Variants in TARDBP observed in about 807,000 individuals in gnomAD.
The protein encoded by TARDBP is TAR DNA-binding protein 43.
Under a neutral mutation model 38.3 loss-of-function variants are expected in TARDBP, and 4 were observed. That is an observed-to-expected ratio of 0.10 (90% CI 0.05 to 0.24). The LOEUF (loss-of-function observed/expected upper bound fraction) is 0.24, where lower values mean the gene tolerates loss of function less well. Among genes scored for constraint, TARDBP ranks in the 10% least tolerant of loss-of-function variants. TARDBP has a pLI of 1.00. For synonymous variants in TARDBP, 184 were observed against 183.8 expected (o/e 1.00, Z -0.01); for missense variants, 202 against 521.9 (o/e 0.39, Z 5.97).
At position 11,022,729 on chromosome 1, in the gene TARDBP, A is replaced by C; in HGVS notation, c.*75A>C. 2 of 1,548,248 alleles carry C rather than the reference A, an allele frequency of 1.3e-6. No homozygotes were observed. The highest frequency in any genetic ancestry group is 8.7e-7 in the Non-Finnish European group (1 of 1,148,910). ...TCTAAACTCATGGTAAGTATATTGT[A>C]AAATACATATGTACTAAGAATTTTC... On this transcript the variant is annotated 3_prime_UTR_variant, in exon 6 of 6. Coordinates refer to ENST00000240185, the MANE Select transcript of TARDBP (RefSeq NM_007375.4). This position sits in a 1 kb window ranked among gnomAD's most constrained non-coding sequence, Gnocchi z 4.5.
chr1:11,027,770 TGG>T, downstream of TARDBP: 1 of 1,025,154 alleles, frequency 9.8e-7, no homozygotes, highest in Non-Finnish European at 1.4e-6. Context: ...CATGAATTGG[TGG>T]GTGACTACCT....
chr1:11,028,510 CCAAACTAA>C (rs1408274128), downstream of TARDBP, among the ~76,000 whole-genome samples: 3 of 152,076 alleles, frequency 2.0e-5, no homozygotes. Flanking sequence ...GTTGATTCTT[CCAAACTAA>C]GTTTTATTGT....
chr1:11,020,391 A>G (rs764779938), intron 4 of TARDBP, 38 bp from the exon 5 acceptor site: 1 of 1,612,930 alleles, frequency 6.2e-7, no homozygotes, highest in East Asian at 2.2e-5. Context: ...TGTTCATAAC[A>G]TATTTCTGAG....
In TARDBP at chr1:11,015,482, TC is replaced by T. The variant is rs1490958993; in HGVS notation, c.239-1361del. On this transcript the variant is annotated intron_variant, in intron 2 of 5. Transcript: ENST00000240185. ...CCTGGCAGCAGAGCGAGACACCGTC[TC>T]AAAAAAAATTTTTTAAATGTCATTT... 3.3e-5 allele frequency: 5 copies of T among 151,486 alleles called. No individual in the cohort carries two copies. The East Asian group carries it at 7.9e-4, about 24-fold the overall frequency. 9.4% of individuals were successfully genotyped at this position (151,486 alleles called of 1,614,324 possible).
chr1:11,013,216 A>T (rs1408296765), intron 1 of TARDBP, among the ~76,000 whole-genome samples: 1 of 152,220 alleles, frequency 6.6e-6, no homozygotes, highest in African/African-American at 2.4e-5. Context: ...AACAGAGGGA[A>T]ACTTTTCTCC....
chr1:11,018,591 A>T, intron 3 of TARDBP, 142 bp from the exon 4 acceptor site: 1 of 1,079,604 alleles, frequency 9.3e-7, no homozygotes, highest in Non-Finnish European at 1.4e-6. Flanking sequence ...CCTTGTTTTT[A>T]CTGTTAAGAC....
intron 5 of TARDBP, among the ~76,000 whole-genome samples, chr1:11,020,921 AAAT>A (rs938982213): frequency 1.3e-5 from 2 of 152,108 alleles, no homozygotes; most frequent in Non-Finnish European, 2.9e-5. Flanking sequence ...TCAAAAAAAA[AAAT>A]ATGTCCCAGG....
At chr1:11,019,768 G>A (rs748803462) in intron 4 of TARDBP, among the ~76,000 whole-genome samples, 8 of 151,722 alleles carry the variant, frequency 5.3e-5, no homozygotes, top group Non-Finnish European at 1.0e-4. Context: ...GGGTTTCACC[G>A]TGTTAGCCAG....
chr1:11,028,114 T>G (rs553171327), downstream of TARDBP, among the ~76,000 whole-genome samples: 7 of 151,948 alleles, frequency 4.6e-5, no homozygotes, highest in South Asian at 1.5e-3. Flanking sequence ...CCCAGCCACT[T>G]GGGAGGCTGA....
chr1:11,020,797 C>T (rs1643622213), intron 5 of TARDBP, among the ~76,000 whole-genome samples, 198 bp downstream of exon 5: 1 of 151,886 alleles, frequency 6.6e-6, no homozygotes, highest in Non-Finnish European at 1.5e-5. Flanking sequence ...GCCTGTGGTC[C>T]CAGCTACTCT....
chr1:11,019,945 ACCT>A (rs1248640790), intron 4 of TARDBP, among the ~76,000 whole-genome samples: 5 of 143,462 alleles, frequency 3.5e-5, no homozygotes, highest in African/African-American at 1.3e-4. Flanking sequence ...GCTCACTGCA[ACCT>A]CCTCTTCCGG....
chr1:11,029,387 G>A (rs548579237), downstream of TARDBP, among the ~76,000 whole-genome samples: 34 of 150,662 alleles, frequency 2.3e-4, no homozygotes, highest in East Asian at 5.4e-3. Context: ...GCAAGAGAGC[G>A]AGATTCCGTC....
intron 2 of TARDBP, 23 bp downstream of exon 2, chr1:11,013,988 TA>T: frequency 6.2e-7 from 1 of 1,610,986 alleles, no homozygotes; most frequent in Non-Finnish European, 8.5e-7. Flanking sequence ...TTGGTTTTTG[TA>T]ATCATGCTGA....
At chr1:11,027,965 T>C (rs967864483), downstream of TARDBP, among the ~76,000 whole-genome samples, 3 of 152,182 alleles carry the variant, frequency 2.0e-5, no homozygotes, top group Non-Finnish European at 4.4e-5. Flanking sequence ...GTCACACCTG[T>C]AATCCCAGCA....
Position 11,023,146 on chromosome 1 carries a change from C to T in TARDBP, c.*492C>T. ...GTTTTGTTTTTTAACACTTGTCTCCCCTCATACACAAAAGTACAATATGAA... is the reference window on the plus strand; with the variant it reads ...GTTTTGTTTTTTAACACTTGTCTCCTCTCATACACAAAAGTACAATATGAA... On this transcript the variant is annotated 3_prime_UTR_variant, in exon 6 of 6. Coordinates refer to ENST00000240185, the MANE Select transcript of TARDBP (RefSeq NM_007375.4). 2 of 1,545,220 alleles carry T rather than the reference C, an allele frequency of 1.3e-6. No individual in the cohort carries two copies. The highest frequency in any genetic ancestry group is 1.7e-6 in the Non-Finnish European group (2 of 1,143,162).
chr1:11,022,548 G>C lies in TARDBP; in HGVS notation c.1139G>C (p.Gly380Ala). ...GNNSYSGSNS[G>A]AAIGWGSASN... Reference sequence around the variant, plus strand: ...AACTCTTATAGTGGCTCTAATTCTGGTGCAGCAATTGGTTGGGGATCAGCA... The same window carrying C: ...AACTCTTATAGTGGCTCTAATTCTGCTGCAGCAATTGGTTGGGGATCAGCA... Residue 380 changes from glycine to alanine, a missense_variant, in exon 6 of 6, where the codon GGT becomes GCT. Coordinates refer to ENST00000240185, the MANE Select transcript of TARDBP (RefSeq NM_007375.4). The surrounding 1 kb of genome is among the most constrained non-coding windows in gnomAD (Gnocchi z 4.5). 6.3e-7 allele frequency: 1 copy of C among 1,582,142 alleles called. No homozygotes were observed. The highest frequency in any genetic ancestry group is 8.6e-7 in the Non-Finnish European group (1 of 1,161,556).
rs1205983810 is a variant in TARDBP, at chr1:11,024,789, A to G, written c.*2135A>G. The G allele has an allele frequency of 4.6e-5, 7 of 152,720 alleles. No homozygotes were observed. Among genetic ancestry groups the G allele is most frequent in the East Asian group, 1.9e-4 (1 of 5,208 alleles). 9.5% of individuals were successfully genotyped at this position (152,720 alleles called of 1,614,324 possible). A position where few individuals can be genotyped will look rare whatever the true frequency, so the allele number is the denominator to read the frequency against. On this transcript the variant is annotated 3_prime_UTR_variant, in exon 6 of 6. Coordinates refer to ENST00000240185, the MANE Select transcript of TARDBP (RefSeq NM_007375.4). ...ATGCATTGTTAAGTATGTAAAAGCA[A>G]TAACATTGATTCTCTGTTGTACTTT...
At chr1:11,019,107 A>G (rs1011018446) in intron 4 of TARDBP, 4 of 563,694 alleles carry the variant, frequency 7.1e-6, no homozygotes, top group East Asian at 3.3e-5. Flanking sequence ...CCTTTTCGCT[A>G]TGGATGGAAA....
At chr1:11,028,736 CAG>C (rs1557665617), downstream of TARDBP, among the ~76,000 whole-genome samples, 2 of 134,670 alleles carry the variant, frequency 1.5e-5, no homozygotes, top group Non-Finnish European at 1.5e-5. Flanking sequence ...TTTTTTGAGA[CAG>C]AGTCTCGCTC....
Sources: gnomAD v4.1 joint callset for allele counts (sites outside exome capture counted in the v4.1 genomes callset) on GRCh38, gnomAD v4.1.1 for gene constraint, Gnocchi (gnomAD v3.1) non-coding constraint, MANE v1.5 for transcripts, NCBI Gene and HGNC (gene_info 2026-07-23, HGNC 2026-07-21) for gene names.